FLNB: variants seen among roughly 807,000 people sequenced by gnomAD.
FLNB encodes filamin-B.
Under a neutral mutation model 250.6 loss-of-function variants are expected in FLNB, and 111 were observed. The observed-to-expected ratio is 0.44, with a 90% CI of 0.38 to 0.52. The LOEUF (loss-of-function observed/expected upper bound fraction) is 0.52. Among genes scored for constraint, FLNB ranks in the 20% least tolerant of loss-of-function variants. The pLI, the probability that FLNB is intolerant of heterozygous loss-of-function variation, is 0.00. For synonymous variants in FLNB, 1,302 were observed against 1,372.1 expected (o/e 0.95, Z 1.13); for missense variants, 2,869 against 3,447.8 (o/e 0.83, Z 4.20).
chr3:58,150,643 C>T lies in FLNB; in HGVS notation c.6367+416C>T, dbSNP rs896379156. On this transcript the variant is annotated intron_variant, in intron 38 of 45. Coordinates refer to ENST00000295956, the MANE Select transcript of FLNB (RefSeq NM_001457.4). ...TTCTCTTTCATTCCTGAAATTAGAA[C>T]GAGGGCTGTGCTGCAGAACTCGCTG... 8.6e-5 allele frequency: 25 copies of T among 292,052 alleles called. 1 individual carries two copies. Among genetic ancestry groups the T allele is most frequent in the Middle Eastern group, 1.2e-3 (1 of 826 alleles). The allele number at this position is 292,052 out of a possible 1,614,324, so 18.1% of individuals were successfully genotyped here.
chr3:58,118,300 C>A (rs915539451), intron 18 of FLNB, among the ~76,000 whole-genome samples: 1 of 152,208 alleles, frequency 6.6e-6, no homozygotes, highest in Non-Finnish European at 1.5e-5. Flanking sequence ...TCTTGCAAAT[C>A]CCTGTTGCAG....
At chr3:58,163,435 G>A (rs775962081) in intron 43 of FLNB, 105 bp downstream of exon 43, 21 of 1,215,222 alleles carry the variant, frequency 1.7e-5, no homozygotes, top group Middle Eastern at 2.6e-4. Flanking sequence ...CGTACTCCCC[G>A]TGGAAACTGG....
At chr3:58,111,711 G>A (rs2097269026) in intron 16 of FLNB, 80 bp from the exon 17 acceptor site, 4 of 1,006,942 alleles carry the variant, frequency 4.0e-6, no homozygotes, top group Non-Finnish European at 4.7e-6. Flanking sequence ...TGATGCTAAG[G>A]TTCACCCTTT....
At chr3:58,073,490 T>C (rs2097197577) in intron 1 of FLNB, among the ~76,000 whole-genome samples, 1 of 152,160 alleles carries the variant, frequency 6.6e-6, no homozygotes, top group South Asian at 2.1e-4. Context: ...AAAGGAGGGC[T>C]GGCTTCATGA....
intron 3 of FLNB, among the ~76,000 whole-genome samples, chr3:58,081,069 A>G (rs944612364): frequency 2.6e-5 from 4 of 152,108 alleles, no homozygotes; most frequent in Admixed American, 2.0e-4. Context: ...TGATGGGATT[A>G]CAGTCATGAG....
At position 58,032,119 on chromosome 3, in the gene FLNB, A is replaced by T. The variant is rs551397761; in HGVS notation, c.292+23263A>T. Among the ~76,000 whole-genome samples the T allele has an allele frequency of 1.7e-3, 259 of 148,802 alleles. 1 individual carries two copies. The highest frequency in any genetic ancestry group is 5.7e-3 in the African/African-American group (232 of 40,434). On this transcript the variant is annotated intron_variant, in intron 1 of 45. Transcript: ENST00000295956. ...AATTTTTCTTTTTTTCTTTTTTTGT[A>T]TTTTTGGTAGAGACAGGGTTGCCCA...
At chr3:58,150,701 CTTCTTG>C in intron 38 of FLNB, 2 of 215,506 alleles carry the variant, frequency 9.3e-6, no homozygotes, top group South Asian at 1.5e-4. Flanking sequence ...GTGAATTGTT[CTTCTTG>C]GGCCCCGATT....
chr3:58,103,865 T>G lies in FLNB; in HGVS notation c.1484-94T>G, dbSNP rs566614041. On this transcript the variant is annotated intron_variant, in intron 9 of 45. Transcript: ENST00000295956. Reference sequence around the variant, plus strand: ...TTGGTTTTTATGTATGGTTTATGTTTTGTTCAGTGTGGCTGCCTCTCTGTT... The same window carrying G: ...TTGGTTTTTATGTATGGTTTATGTTGTGTTCAGTGTGGCTGCCTCTCTGTT... 24 of 1,468,418 alleles carry G rather than the reference T, an allele frequency of 1.6e-5. No homozygotes were observed. In the Admixed American group the frequency reaches 4.1e-4, roughly 25 times the overall value. The allele number at this position is 1,468,418 out of a possible 1,614,324, so 91.0% of individuals were successfully genotyped here. A position where few individuals can be genotyped will look rare whatever the true frequency, so the allele number is the denominator to read the frequency against.
intron 5 of FLNB, 39 bp downstream of exon 5, chr3:58,094,993 A>AT: frequency 1.3e-6 from 2 of 1,494,586 alleles, no homozygotes; most frequent in South Asian, 2.3e-5. Flanking sequence ...CCAGCACCTC[A>AT]TGGAGCTTTT....
At chr3:58,148,166 C>A in intron 34 of FLNB, 40 bp from the exon 35 acceptor site, 2 of 1,610,692 alleles carry the variant, frequency 1.2e-6, no homozygotes, top group Non-Finnish European at 1.7e-6. Context: ...GCCAGGGTAA[C>A]CACATGTAAC....
chr3:58,081,576 A>G (rs142650256), intron 3 of FLNB, 53 bp from the exon 4 acceptor site: 15 of 1,573,298 alleles, frequency 9.5e-6, no homozygotes, highest in South Asian at 2.2e-5. Context: ...AAACACTTCA[A>G]TAGTTGCAAA....
rs371186570 is a variant in FLNB at position 58,124,340 on chromosome 3, C to T, written c.3733C>T (p.Arg1245Trp). 2.4e-5 allele frequency: 38 copies of T among 1,614,008 alleles called. No individual in the cohort carries two copies. Among genetic ancestry groups the T allele is most frequent in the African/African-American group, 5.3e-5 (4 of 74,898 alleles). ...GPGIEGKDVF[R>W]EATTDFTVDS... ...ATGTGCTTGCTCTGCAGATGTGTTCCGGGAAGCTACCACCGACTTTACAGT... is the reference window on the plus strand; with the variant it reads ...ATGTGCTTGCTCTGCAGATGTGTTCTGGGAAGCTACCACCGACTTTACAGT... Residue 1245 changes from arginine (R) to tryptophan (W), a missense_variant, in exon 22 of 46, where the codon CGG (arginine) becomes TGG (tryptophan). Physicochemically the swap from Arg to Trp is moderately radical, Grantham distance 101. Around this residue, in one of 5 missense-constraint regions of FLNB, gnomAD observed 1,348 missense variants for 1,466.7 expected, o/e 0.92. Transcript: ENST00000295956.
chr3:58,037,312 G>T (rs940017864), intron 1 of FLNB, among the ~76,000 whole-genome samples: 1 of 152,108 alleles, frequency 6.6e-6, no homozygotes, highest in African/African-American at 2.4e-5. Context: ...CCATCCGCTC[G>T]CTTTGGCCTC....
chr3:58,170,890 T>TA lies in FLNB; in HGVS notation c.*132dup. ...CCCCATCCCTAAAATATTGCTGTTG[T>TA]AAAATGCCTTCAGAAATAAGTCCTA... is the stretch of plus-strand genomic sequence containing the variant. On this transcript the variant is annotated 3_prime_UTR_variant, in exon 46 of 46. Transcript: ENST00000295956. 1 of 831,928 alleles carries TA rather than the reference T, an allele frequency of 1.2e-6. No homozygotes were observed. Among genetic ancestry groups the TA allele is most frequent in the Non-Finnish European group, 2.0e-6 (1 of 508,916 alleles). The allele number at this position is 831,928 out of a possible 1,614,324, so 51.5% of individuals were successfully genotyped here.
intron 1 of FLNB, among the ~76,000 whole-genome samples, chr3:58,045,799 A>C: frequency 6.6e-6 from 1 of 152,150 alleles, no homozygotes; most frequent in Admixed American, 6.6e-5. Context: ...CAGGAGTTCA[A>C]GACCAGCCCG....
intron 1 of FLNB, among the ~76,000 whole-genome samples, chr3:58,055,147 A>G (rs941584670): frequency 4.6e-5 from 7 of 152,098 alleles, no homozygotes; most frequent in Non-Finnish European, 2.9e-5. Context: ...CTTGCCTGTA[A>G]TCCCAGCTAC....
intron 1 of FLNB, among the ~76,000 whole-genome samples, chr3:58,019,227 G>A (rs2097110251): frequency 6.6e-6 from 1 of 152,150 alleles, no homozygotes; most frequent in African/African-American, 2.4e-5. Context: ...ATAGCTTAAC[G>A]ATGGATGGCC....
At chr3:58,099,899 T>C (rs2097246660) in intron 8 of FLNB, among the ~76,000 whole-genome samples, 2 of 152,226 alleles carry the variant, frequency 1.3e-5, no homozygotes, top group Admixed American at 6.5e-5. Flanking sequence ...TTTAAACACA[T>C]CTAGGGCTTT....
chr3:58,021,159 T>C (rs1472679323), intron 1 of FLNB, among the ~76,000 whole-genome samples: 4 of 152,188 alleles, frequency 2.6e-5, no homozygotes, highest in African/African-American at 9.6e-5. Flanking sequence ...CTACAGCCTA[T>C]TGTGGGAGCA....
Sources: allele counts gnomAD v4.1 joint callset (sites outside exome capture counted in the v4.1 genomes callset), GRCh38; gene constraint gnomAD v4.1.1; regional missense constraint gnomAD v4.1.1; transcripts MANE v1.5; gene names NCBI Gene and HGNC (gene_info 2026-07-23, HGNC 2026-07-21).